The following FGD3 variants were observed in gnomAD, a reference collection of about 807,000 sequenced individuals.
FGD3 encodes FYVE, RhoGEF and PH domain containing 3.
Under a neutral mutation model 71.8 loss-of-function variants are expected in FGD3, and 45 were observed. The ratio of observed to expected loss-of-function variants is 0.63; its 90% CI spans 0.49 to 0.80. The LOEUF is 0.80. FGD3 is among the 30% of genes least tolerant of loss of function. The probability of loss-of-function intolerance (pLI) is 0.00; values close to 1 mark genes in which losing one functional copy is unlikely to be tolerated. For missense variants in FGD3, 844 were observed against 951.5 expected (o/e 0.89, Z 1.49); for synonymous variants, 378 against 392.8 (o/e 0.96, Z 0.44).
intron 3 of FGD3, among the ~76,000 whole-genome samples, chr9:92,980,637 G>T (rs996440581): frequency 1.3e-5 from 2 of 151,754 alleles, no homozygotes; most frequent in African/African-American, 4.8e-5. Flanking sequence ...CCATAAGTAT[G>T]ATGATTTCAT....
chr9:93,013,899 A>G lies in FGD3; in HGVS notation c.1083A>G (p.Glu361=). ...AGGTGTACGAGCAGCTGGGTGGGGA[A>G]GAAGACATTGTCAACCCGGCCAATG... ...LLEVYEQLGG[E]EDIVNPANEL... is the part of the protein sequence containing the mutation. Residue 361 remains glutamate, a synonymous_variant, in exon 9 of 18, where the codon GAA becomes GAG. Coordinates refer to ENST00000375482, the MANE Select transcript of FGD3 (RefSeq NM_001083536.2). 1.2e-6 allele frequency: 2 copies of G among 1,612,856 alleles called. No individual in the cohort carries two copies. Among genetic ancestry groups the G allele is most frequent in the Non-Finnish European group, 8.5e-7 (1 of 1,179,578 alleles).
At chr9:92,989,963 G>T in intron 3 of FGD3, among the ~76,000 whole-genome samples, 1 of 145,272 alleles carries the variant, frequency 6.9e-6, no homozygotes. Flanking sequence ...TGTATTCCTA[G>T]GTATTTATTT....
rs34328093 is a variant in FGD3 at position 93,008,962 on chromosome 9, CA to C, written c.838-1269del. ...GCTGGGCAACAGAGCAAGACTCCAT[CA>C]AAAAAAAAAAAAAAGTTTTGGCCAG... is the stretch of plus-strand genomic sequence containing the variant. On this transcript the variant is annotated intron_variant, in intron 6 of 17. Coordinates refer to ENST00000375482, the MANE Select transcript of FGD3 (RefSeq NM_001083536.2). 6.0e-3 allele frequency among the ~76,000 whole-genome samples: 820 copies of C among 137,656 alleles called. 3 individuals carry two copies. The highest frequency in any genetic ancestry group is 0.013 in the African/African-American group (493 of 37,032). 90.3% of individuals were successfully genotyped at this position (137,656 alleles called of 152,430 possible). A position where few individuals can be genotyped will look rare whatever the true frequency, so the allele number is the denominator to read the frequency against.
In FGD3 at chr9:92,969,954, G is replaced by A. The variant is rs1859473808; in HGVS notation, c.-217-5284G>A. Among the ~76,000 whole-genome samples the A allele has an allele frequency of 6.6e-6, 1 of 152,220 alleles. No individual in the cohort carries two copies. Among genetic ancestry groups the A allele is most frequent in the Non-Finnish European group, 1.5e-5 (1 of 68,038 alleles). ...TACAAGGTGGCAGCCCTGAGTGTCT[G>A]GGACCTGTTCCCTGGCTGAGTCCAC... On this transcript the variant is annotated intron_variant, in intron 1 of 17. Transcript: ENST00000375482. This position sits in a 1 kb window ranked among gnomAD's most constrained non-coding sequence, Gnocchi z 4.5.
intron 8 of FGD3, among the ~76,000 whole-genome samples, chr9:93,012,653 CTCA>C (rs1861461580): frequency 1.4e-5 from 2 of 139,668 alleles, no homozygotes; most frequent in Admixed American, 1.5e-4. Context: ...GGTGTGGTGG[CTCA>C]CACCTGTGAG....
intron 3 of FGD3, among the ~76,000 whole-genome samples, chr9:92,992,914 G>A (rs1457929614): frequency 6.6e-6 from 1 of 152,210 alleles, no homozygotes; most frequent in African/African-American, 2.4e-5. Context: ...TCCCTGAAAA[G>A]GGAAGTCCCT....
chr9:92,985,439 T>C (rs1240713775), intron 3 of FGD3, among the ~76,000 whole-genome samples: 3 of 152,226 alleles, frequency 2.0e-5, no homozygotes, highest in South Asian at 4.1e-4. Context: ...GGAAAAACAG[T>C]ATTACAAAGA....
Position 93,003,957 on chromosome 9 carries a change from G to A in FGD3, c.544-44G>A, listed in dbSNP as rs1405516928. ...CGAAGCGGGGCGGCAACTGTGCTCAGTGGAAGAGGCTCACTGGCCACACGT... is the reference window on the plus strand; with the variant it reads ...CGAAGCGGGGCGGCAACTGTGCTCAATGGAAGAGGCTCACTGGCCACACGT... On this transcript the variant is annotated intron_variant, in intron 4 of 17. Coordinates refer to ENST00000375482, the MANE Select transcript of FGD3 (RefSeq NM_001083536.2). The surrounding 1 kb of genome is among the most constrained non-coding windows in gnomAD (Gnocchi z 4.1). 1.9e-6 allele frequency: 3 copies of A among 1,611,392 alleles called. No individual in the cohort carries two copies. Among genetic ancestry groups the A allele is most frequent in the Admixed American group, 1.7e-5 (1 of 60,012 alleles).
chr9:92,998,845 G>C (rs910043725), intron 3 of FGD3, among the ~76,000 whole-genome samples: 1 of 152,174 alleles, frequency 6.6e-6, no homozygotes, highest in African/African-American at 2.4e-5. Context: ...CTTTGTCTCA[G>C]AGGGGCACCC....
chr9:92,980,968 C>T (rs1859969189), intron 3 of FGD3, among the ~76,000 whole-genome samples: 1 of 144,126 alleles, frequency 6.9e-6, no homozygotes. Context: ...AAGACTCCAT[C>T]TCAAAAAAAA....
At chr9:93,019,074 C>A (rs977168747) in intron 11 of FGD3, among the ~76,000 whole-genome samples, 1 of 152,312 alleles carries the variant, frequency 6.6e-6, no homozygotes, top group Non-Finnish European at 1.5e-5. Flanking sequence ...GTCTCGAACT[C>A]TTGACCTCAG....
At chr9:92,948,569 A>C (rs1481223610) in intron 1 of FGD3, among the ~76,000 whole-genome samples, 1 of 152,244 alleles carries the variant, frequency 6.6e-6, no homozygotes, top group Admixed American at 6.5e-5. Context: ...TCATTGCCTA[A>C]AATCAGTTTG....
chr9:93,018,981 G>A (rs1861810434), intron 11 of FGD3, among the ~76,000 whole-genome samples: 1 of 152,108 alleles, frequency 6.6e-6, no homozygotes, highest in African/African-American at 2.4e-5. Flanking sequence ...GGGTAGTTGG[G>A]ATTACAGGCA....
In FGD3 at chr9:93,010,363, C is replaced by A; in HGVS notation, c.955C>A (p.Pro319Thr). 6.2e-7 allele frequency: 1 copy of A among 1,612,166 alleles called. No homozygotes were observed. The highest frequency in any genetic ancestry group is 8.5e-7 in the Non-Finnish European group (1 of 1,178,620). Residue 319 changes from proline (P) to threonine (T), a missense_variant, in exon 7 of 18, where the codon CCA becomes ACA. Transcript: ENST00000375482. ...TCTGAAGAGGCTCCCGCAGGACGCC[C>A]CAGACCGGAAGGATGCGGAGAGTGA... is the stretch of plus-strand genomic sequence containing the variant. ...DYLKRLPQDA[P>T]DRKDAERSLE...
At chr9:93,020,570 T>C (rs772325752) in intron 13 of FGD3, 146 bp downstream of exon 13, 1 of 646,218 alleles carries the variant, frequency 1.5e-6, no homozygotes, top group South Asian at 1.7e-5. Flanking sequence ...CACTCCCTTG[T>C]GTTAAAATAA....
In FGD3 at chr9:93,035,414, C is replaced by T. The variant is rs201485764; in HGVS notation, c.2003C>T (p.Ser668Leu). The T allele has an allele frequency of 6.7e-5, 108 of 1,612,006 alleles. No individual in the cohort carries two copies. The African/African-American group carries it at 7.2e-4, about 11-fold the overall frequency. ...SVPDPEERLDSGHVWKLQWAK... is the reference protein window; with the variant it reads ...SVPDPEERLDLGHVWKLQWAK... The stretch of plus-strand genomic sequence containing the variant: ...CCGGACCCTGAGGAGAGGCTGGACT[C>T]GGGGCATGTGTGGAAGCTGCAGTGG... The change falls in exon 18 of 18, where the codon TCG becomes TTG. Residue 668 changes from serine to leucine, a missense_variant. Transcript: ENST00000375482.
rs1861912176 is a variant in FGD3 at position 93,021,371 on chromosome 9, C to T, written c.1494+947C>T. ...AAGCCTGGCCAGGGAGTCAGGGCTG[C>T]AGCCCCAGGGCCAATCCCCGGCCAT... On this transcript the variant is annotated intron_variant, in intron 13 of 17. Coordinates refer to ENST00000375482, the MANE Select transcript of FGD3 (RefSeq NM_001083536.2). 2.0e-5 allele frequency among the ~76,000 whole-genome samples: 3 copies of T among 152,264 alleles called. No homozygotes were observed. In the South Asian group the frequency reaches 6.2e-4, roughly 32 times the overall value.
At chr9:92,957,559 CT>C (rs996848091) in intron 1 of FGD3, among the ~76,000 whole-genome samples, 10 of 144,336 alleles carry the variant, frequency 6.9e-5, no homozygotes, top group African/African-American at 2.6e-4. Flanking sequence ...AATCGTTTGT[CT>C]TTTTTTTTCA....
intron 1 of FGD3, among the ~76,000 whole-genome samples, chr9:92,973,708 T>C (rs938980925): frequency 3.9e-5 from 6 of 152,214 alleles, no homozygotes; most frequent in Non-Finnish European, 8.8e-5. Context: ...GGCGTGTCCC[T>C]GCCCTGTGAA....
Sources: gnomAD v4.1 joint callset for allele counts (sites outside exome capture counted in the v4.1 genomes callset) on GRCh38, gnomAD v4.1.1 for gene constraint, Gnocchi (gnomAD v3.1) non-coding constraint, MANE v1.5 for transcripts, NCBI Gene and HGNC (gene_info 2026-07-23, HGNC 2026-07-21) for gene names.